Variants in MYBL1 observed in about 807,000 individuals in gnomAD.
MYBL1 encodes the protein myb-related protein A.
In MYBL1, 17 loss-of-function variants were observed where a neutral mutation model predicts 96.3. That is an observed-to-expected ratio of 0.18 (90% CI 0.12 to 0.26). MYBL1 has a LOEUF of 0.26. MYBL1 is among the 10% of genes least tolerant of loss of function. MYBL1 has a pLI of 1.00. For missense variants in MYBL1, 701 were observed against 882.9 expected (o/e 0.79, Z 2.61); for synonymous variants, 282 against 292.7 (o/e 0.96, Z 0.37).
chr8:66,568,860 A>G (rs1437475532), intron 12 of MYBL1, among the ~76,000 whole-genome samples: 1 of 151,846 alleles, frequency 6.6e-6, no homozygotes, highest in Non-Finnish European at 1.5e-5. Context: ...CCCCGTCTCT[A>G]CTAAAAATAC....
chr8:66,568,488 C>T (rs1443877493), intron 12 of MYBL1, among the ~76,000 whole-genome samples: 7 of 151,706 alleles, frequency 4.6e-5, no homozygotes, highest in Admixed American at 3.3e-4. Context: ...TTACTAGAGA[C>T]GGGGTTTCAC....
intron 12 of MYBL1, among the ~76,000 whole-genome samples, chr8:66,567,697 C>T (rs757237097): frequency 6.6e-6 from 1 of 152,174 alleles, no homozygotes; most frequent in Non-Finnish European, 1.5e-5. Flanking sequence ...TTATATCTAA[C>T]TTATACCTTT....
chr8:66,577,048 C>T (rs566232571), intron 9 of MYBL1, among the ~76,000 whole-genome samples: 85 of 152,010 alleles, frequency 5.6e-4, no homozygotes, highest in African/African-American at 2.0e-3. Flanking sequence ...TAAAAACTCT[C>T]AATAAATTAG....
chr8:66,569,027 A>G (rs1282666866), intron 12 of MYBL1, among the ~76,000 whole-genome samples: 1 of 152,122 alleles, frequency 6.6e-6, no homozygotes, highest in East Asian at 1.9e-4. Context: ...TCCATCTCAA[A>G]AAAAGAAAAA....
chr8:66,576,832 A>T (rs1312102376), intron 9 of MYBL1, among the ~76,000 whole-genome samples: 1 of 152,156 alleles, frequency 6.6e-6, no homozygotes, highest in East Asian at 1.9e-4. Flanking sequence ...ACAAAGCTTT[A>T]TATGTTATCT....
rs1808387259 is a variant in MYBL1, at chr8:66,563,233, A to T, written c.*1464T>A. ...CGCTCTTTCCTTCTCTCGTAGCAGC[A>T]AGCCGATTCTGCTATTTTCTATAGC... is the stretch of plus-strand genomic sequence containing the variant. On this transcript the variant is annotated 3_prime_UTR_variant, in exon 16 of 16. Coordinates refer to ENST00000522677, the MANE Select transcript of MYBL1 (RefSeq NM_001080416.4). The T allele has an allele frequency of 6.6e-6, 1 of 152,582 alleles. No individual in the cohort carries two copies. Among genetic ancestry groups the T allele is most frequent in the African/African-American group, 2.4e-5 (1 of 41,432 alleles). 9.5% of individuals were successfully genotyped at this position (152,582 alleles called of 1,614,324 possible).
rs1051612582 is a variant in MYBL1, at chr8:66,612,930, C to A, written c.-92G>T. The A allele has an allele frequency of 1.6e-6, 2 of 1,275,000 alleles. No homozygotes were observed. Among genetic ancestry groups the A allele is most frequent in the Admixed American group, 3.1e-5 (1 of 32,568 alleles). The allele number at this position is 1,275,000 out of a possible 1,614,324, so 79.0% of individuals were successfully genotyped here. ...ATGCTCCTTCTCCCCGATCCTCTAG[C>A]CGCTTCCCTCGCTCCCTCTGGAGGC... On this transcript the variant is annotated 5_prime_UTR_variant, in exon 1 of 16. Coordinates refer to ENST00000522677, the MANE Select transcript of MYBL1 (RefSeq NM_001080416.4).
In MYBL1 at chr8:66,576,162, T is replaced by C; in HGVS notation, c.1315A>G (p.Lys439Glu). 1.2e-6 allele frequency: 2 copies of C among 1,614,000 alleles called. No individual in the cohort carries two copies. The highest frequency in any genetic ancestry group is 1.7e-6 in the Non-Finnish European group (2 of 1,179,886). The change falls in exon 10 of 16, where the codon AAG (lysine) becomes GAG (glutamate). Residue 439 changes from lysine (K) to glutamate (E), a missense_variant. Lys to Glu is a moderately conservative substitution (Grantham distance 56). Around this residue, in one of 5 missense-constraint regions of MYBL1, gnomAD observed 396 missense variants for 407.4 expected, o/e 0.97. Coordinates refer to ENST00000522677, the MANE Select transcript of MYBL1 (RefSeq NM_001080416.4). The part of the protein sequence containing the change: ...AVPLTSPNIA[K>E]FSTPPAILRK... ...AGGATGGCTGGTGGAGTGCTAAACTTGGCTATATTTGGGGATGTTAAAGGA... is the reference window on the plus strand; with the variant it reads ...AGGATGGCTGGTGGAGTGCTAAACTCGGCTATATTTGGGGATGTTAAAGGA...
At position 66,564,301 on chromosome 8, in the gene MYBL1, G is replaced by A. The variant is rs912694793; in HGVS notation, c.*396C>T. On this transcript the variant is annotated 3_prime_UTR_variant, in exon 16 of 16. Transcript: ENST00000522677. ...GCAAAAGTACTTCATAAAATCATGTGTGCTTTCCATACATAGACTAATTTC... is the reference window on the plus strand; with the variant it reads ...GCAAAAGTACTTCATAAAATCATGTATGCTTTCCATACATAGACTAATTTC... 2 of 152,808 alleles carry A rather than the reference G, an allele frequency of 1.3e-5. No homozygotes were observed. The highest frequency in any genetic ancestry group is 1.5e-5 in the Non-Finnish European group (1 of 68,194). The allele number at this position is 152,808 out of a possible 1,614,324, so 9.5% of individuals were successfully genotyped here. A position where few individuals can be genotyped will look rare whatever the true frequency, so the allele number is the denominator to read the frequency against.
At chr8:66,582,820 C>G (rs1041851009) in intron 8 of MYBL1, among the ~76,000 whole-genome samples, 8 of 151,518 alleles carry the variant, frequency 5.3e-5, no homozygotes, top group Non-Finnish European at 1.2e-4. Context: ...TATATATGCA[C>G]CAATATCAGA....
chr8:66,603,018 T>A (rs1810168108), intron 1 of MYBL1, among the ~76,000 whole-genome samples: 2 of 152,078 alleles, frequency 1.3e-5, no homozygotes, highest in African/African-American at 4.8e-5. Context: ...GTGCTGGGAT[T>A]ACAGGCGTGA....
chr8:66,612,741 G>T, intron 1 of MYBL1, 78 bp downstream of exon 1: 2 of 1,305,206 alleles, frequency 1.5e-6, no homozygotes, highest in Non-Finnish European at 2.0e-6. Flanking sequence ...CCTTATGGCG[G>T]GAGGGGGCAG....
chr8:66,588,576 C>T (rs975287446), intron 8 of MYBL1, among the ~76,000 whole-genome samples: 1 of 152,012 alleles, frequency 6.6e-6, no homozygotes, highest in African/African-American at 2.4e-5. Flanking sequence ...TCACTACATT[C>T]GGCCCTAAAT....
intron 12 of MYBL1, among the ~76,000 whole-genome samples, chr8:66,570,611 C>A (rs1206770475): frequency 6.6e-6 from 1 of 152,174 alleles, no homozygotes; most frequent in Non-Finnish European, 1.5e-5. Flanking sequence ...ACCTTTTCAA[C>A]ATTCTTTCCA....
chr8:66,609,880 C>T (rs1352193072), intron 1 of MYBL1, among the ~76,000 whole-genome samples: 12 of 151,944 alleles, frequency 7.9e-5, no homozygotes, highest in Admixed American at 7.9e-4. Context: ...AATGACAAAA[C>T]CGATTAAAAG....
intron 9 of MYBL1, 91 bp downstream of exon 9, chr8:66,580,042 T>G: frequency 1.0e-6 from 1 of 973,650 alleles, no homozygotes; most frequent in Admixed American, 2.5e-5. Flanking sequence ...ATACAAAACA[T>G]AAAACTGGTC....
At chr8:66,568,455 C>T (rs1166295775) in intron 12 of MYBL1, among the ~76,000 whole-genome samples, 14 of 151,682 alleles carry the variant, frequency 9.2e-5, no homozygotes, top group African/African-American at 3.4e-4. Flanking sequence ...CCTGCCACAA[C>T]GCCTGGCTAA....
At position 66,566,979 on chromosome 8, in the gene MYBL1, G is replaced by T; in HGVS notation, c.1742C>A (p.Ala581Asp). The change falls in exon 13 of 16, where the codon GCT (alanine) becomes GAT (aspartate). Residue 581 changes from alanine to aspartate, a missense_variant. By Grantham distance (126) the Ala-to-Asp change is moderately radical. This residue lies in a region of MYBL1 where 63 missense variants were observed against 109.2 expected (regional missense o/e 0.58). Coordinates refer to ENST00000522677, the MANE Select transcript of MYBL1 (RefSeq NM_001080416.4). ...GPLKIVSQPL[A>D]FLEEDIREVL... ...TTCCCGAATATCTTCTTCCAAGAAA[G>T]CAAGTGGCTGGGACTAAATTGTTTT... 1 of 1,611,322 alleles carries T rather than the reference G, an allele frequency of 6.2e-7. No homozygotes were observed. Among genetic ancestry groups the T allele is most frequent in the Non-Finnish European group, 8.5e-7 (1 of 1,178,548 alleles).
rs560281195 is a variant in MYBL1 at position 66,573,375 on chromosome 8, C to T, written c.1602G>A (p.Lys534=). 6 of 1,608,308 alleles carry T rather than the reference C, an allele frequency of 3.7e-6. No homozygotes were observed. The highest frequency in any genetic ancestry group is 1.7e-5 in the Admixed American group (1 of 58,900). The change falls in exon 11 of 16, where the codon AAG becomes AAA. Residue 534 remains lysine (K), a synonymous_variant. Coordinates refer to ENST00000522677, the MANE Select transcript of MYBL1 (RefSeq NM_001080416.4). ...LHKETTPKDQ[K]ENVGFRTPTI... is the part of the protein sequence containing the mutation. ...TAATACCTACTTACCCTACATTTTC[C>T]TTTTGATCTTTGGGAGTTGTTTCCT...
Sources: allele counts gnomAD v4.1 joint callset (sites outside exome capture counted in the v4.1 genomes callset), GRCh38; gene constraint gnomAD v4.1.1; regional missense constraint gnomAD v4.1.1; transcripts MANE v1.5; gene names NCBI Gene and HGNC (gene_info 2026-07-23, HGNC 2026-07-21).